VSTM4: variants seen among roughly 807,000 people sequenced by gnomAD.
VSTM4 encodes the protein V-set and transmembrane domain-containing protein 4.
In VSTM4, 20 loss-of-function variants were observed where a neutral mutation model predicts 36.4. That is an observed-to-expected ratio of 0.55 (90% CI 0.39 to 0.80). The LOEUF (loss-of-function observed/expected upper bound fraction) is 0.80. VSTM4 is among the 30% of genes least tolerant of loss of function. The pLI is 0.00. For synonymous variants in VSTM4, 182 were observed against 173.9 expected, an observed-to-expected ratio of 1.05 and a Z score of -0.37; for missense variants, 392 against 404.5, an observed-to-expected ratio of 0.97 and a Z score of 0.26.
intron 2 of VSTM4, among the ~76,000 whole-genome samples, chr10:49,100,334 T>C (rs1353728478): frequency 6.6e-6 from 1 of 152,200 alleles, no homozygotes; most frequent in Non-Finnish European, 1.5e-5. Context: ...TACTAATTCA[T>C]AGATACTATT....
intron 2 of VSTM4, chr10:49,102,807 C>T: frequency 2.1e-6 from 2 of 930,896 alleles, no homozygotes; most frequent in Non-Finnish European, 2.6e-6. Context: ...CAACTGTGTA[C>T]CAGGCACTGT....
At chr10:49,076,108 C>A (rs1045539084) in intron 4 of VSTM4, among the ~76,000 whole-genome samples, 2 of 152,178 alleles carry the variant, frequency 1.3e-5, no homozygotes, top group Non-Finnish European at 2.9e-5. Flanking sequence ...CCCTCATTGT[C>A]CCTTAGGCTT....
chr10:49,100,610 A>G (rs1844649656), intron 2 of VSTM4, among the ~76,000 whole-genome samples: 1 of 152,164 alleles, frequency 6.6e-6, no homozygotes, highest in Non-Finnish European at 1.5e-5. Context: ...TACATGAAGG[A>G]ATACAACAAG....
intron 7 of VSTM4, among the ~76,000 whole-genome samples, chr10:49,022,273 T>C (rs1843193498): frequency 6.6e-6 from 1 of 152,220 alleles, no homozygotes. Flanking sequence ...GTTTTGGCTT[T>C]GGTTTTGTTG....
intron 1 of VSTM4, among the ~76,000 whole-genome samples, chr10:49,110,178 CA>C (rs1295575748): frequency 6.6e-6 from 1 of 152,242 alleles, no homozygotes; most frequent in East Asian, 1.9e-4. Flanking sequence ...GAAATTGAAA[CA>C]AGATGGGTGG....
rs559805327 is a variant in VSTM4 at position 49,077,161 on chromosome 10, G to A, written c.634+58C>T. The A allele has an allele frequency of 1.1e-4, 174 of 1,543,900 alleles. 3 individuals are homozygous for A. The South Asian group carries it at 1.8e-3, about 16-fold the overall frequency. The stretch of plus-strand genomic sequence containing the variant: ...GGTGGTACTTTGTCTAGCATCTTCC[G>A]CCCGTCTGTGGTCGGGGTGTGCTCC... On this transcript the variant is annotated intron_variant, in intron 4 of 7. Transcript: ENST00000332853.
chr10:49,021,301 C>T (rs993832609), intron 7 of VSTM4, among the ~76,000 whole-genome samples: 1 of 151,546 alleles, frequency 6.6e-6, no homozygotes, highest in African/African-American at 2.4e-5. Context: ...AAAAGTACTA[C>T]AAAATAGGTG....
chr10:49,019,625 T>C lies in VSTM4; in HGVS notation c.*25A>G, dbSNP rs764323401. 15 of 1,586,062 alleles carry C rather than the reference T, an allele frequency of 9.5e-6. No individual in the cohort carries two copies. In the South Asian group the frequency reaches 1.0e-4, roughly 11 times the overall value. ...AAATCACTGGGTGGCAGGTATTAAA[T>C]AGAACCTTGGAGGTGGACGCTGTAC... On this transcript the variant is annotated 3_prime_UTR_variant, in exon 8 of 8. Transcript: ENST00000332853.
chr10:49,050,061 C>T (rs1843674005), intron 5 of VSTM4, among the ~76,000 whole-genome samples: 1 of 49,388 alleles, frequency 2.0e-5, no homozygotes, highest in Admixed American at 1.7e-4. Context: ...CTTCCATCAG[C>T]AGGGACTAGT....
chr10:49,030,243 C>A (rs1476376228), intron 7 of VSTM4, among the ~76,000 whole-genome samples: 10 of 152,200 alleles, frequency 6.6e-5, no homozygotes, highest in African/African-American at 2.4e-4. Flanking sequence ...TCCACTGGGA[C>A]CTCTGGCTCT....
intron 2 of VSTM4, 46 bp from the exon 3 acceptor site, chr10:49,086,069 C>T (rs775159856): frequency 8.5e-7 from 1 of 1,177,130 alleles, no homozygotes; most frequent in Non-Finnish European, 1.2e-6. Flanking sequence ...AATAATGCCA[C>T]ATGGTACACA....
rs149611409 is a variant in VSTM4 at position 49,082,921 on chromosome 10, T to A, written c.526+3034A>T. ...TGCCCATGCAGAGACAGGCCAAGACTGGGGTGCATAATGTCAGCATGCCAG... is the reference window on the plus strand; with the variant it reads ...TGCCCATGCAGAGACAGGCCAAGACAGGGGTGCATAATGTCAGCATGCCAG... On this transcript the variant is annotated intron_variant, in intron 3 of 7. Transcript: ENST00000332853. 4.8e-3 allele frequency among the ~76,000 whole-genome samples: 735 copies of A among 152,282 alleles called. 4 individuals are homozygous for A. Among genetic ancestry groups the A allele is most frequent in the Non-Finnish European group, 8.3e-3 (563 of 68,036 alleles).
At position 49,021,500 on chromosome 10, in the gene VSTM4, A is replaced by G. The variant is rs150450317; in HGVS notation, c.838-1725T>C. On this transcript the variant is annotated intron_variant, in intron 7 of 7. Coordinates refer to ENST00000332853, the MANE Select transcript of VSTM4 (RefSeq NM_001031746.5). ...ATATCTCATATTAAAGGGATTTGCA[A>G]TTCAACAAAGATAATAATCAAGTTT... Among the ~76,000 whole-genome samples, 36 of 152,350 alleles carry G rather than the reference A, an allele frequency of 2.4e-4. 1 individual carries two copies. In the East Asian group the frequency reaches 6.5e-3, roughly 28 times the overall value.
Position 49,047,929 on chromosome 10 carries a change from T to C in VSTM4, c.775+549A>G, listed in dbSNP as rs1169366242. On this transcript the variant is annotated intron_variant, in intron 6 of 7. Coordinates refer to ENST00000332853, the MANE Select transcript of VSTM4 (RefSeq NM_001031746.5). ...TTTTAGGAACTATCTATAGTCAGTC[T>C]TGGTTCTCCTAATACTCTCGCAGTT... Among the ~76,000 whole-genome samples the C allele has an allele frequency of 2.0e-5, 3 of 152,234 alleles. No individual in the cohort carries two copies. The East Asian group carries it at 5.8e-4, about 29-fold the overall frequency.
chr10:49,076,370 TG>T (rs1564584640), intron 4 of VSTM4, among the ~76,000 whole-genome samples: 1 of 152,168 alleles, frequency 6.6e-6, no homozygotes, highest in Non-Finnish European at 1.5e-5. Flanking sequence ...GCCTCCTCCA[TG>T]TCGCAGATGA....
intron 1 of VSTM4, 34 bp downstream of exon 1, chr10:49,115,397 C>T (rs1233191860): frequency 3.0e-6 from 3 of 1,013,002 alleles, no homozygotes; most frequent in African/African-American, 3.5e-5. Context: ...CGGCCCCCAC[C>T]CTTCCCGCTC....
chr10:49,107,738 G>C lies in VSTM4; in HGVS notation c.313C>G (p.Gln105Glu), dbSNP rs1844811889. The C allele has an allele frequency of 6.2e-7, 1 of 1,614,178 alleles. No homozygotes were observed. Among genetic ancestry groups the C allele is most frequent in the Non-Finnish European group, 8.5e-7 (1 of 1,180,050 alleles). Reference sequence around the variant, plus strand: ...GAGAGCCTGTAGAGCGCCCCCCGCTGCTCCTCCAGCAGGCGCAGCCTCCGC... The same window carrying C: ...GAGAGCCTGTAGAGCGCCCCCCGCTCCTCCTCCAGCAGGCGCAGCCTCCGC... ...KRRRLRLLEEQRGALYRLSVL... is the reference protein window; with the variant it reads ...KRRRLRLLEEERGALYRLSVL... The change falls in exon 2 of 8, where the codon CAG becomes GAG. Residue 105 changes from glutamine to glutamate, a missense_variant. Physicochemically the swap from Gln to Glu is conservative, Grantham distance 29 (BLOSUM62 2). Coordinates refer to ENST00000332853, the MANE Select transcript of VSTM4 (RefSeq NM_001031746.5).
chr10:49,075,980 C>T (rs746828739), intron 4 of VSTM4, among the ~76,000 whole-genome samples: 2 of 152,184 alleles, frequency 1.3e-5, no homozygotes, highest in Admixed American at 6.5e-5. Flanking sequence ...GATGGTGACA[C>T]CTCTCCCAAA....
intron 3 of VSTM4, among the ~76,000 whole-genome samples, chr10:49,084,054 C>T (rs532094026): frequency 6.6e-6 from 1 of 152,300 alleles, no homozygotes; most frequent in East Asian, 1.9e-4. Context: ...ATCACAGTGC[C>T]TGGTCACAGG....
Sources: gnomAD v4.1 joint callset for allele counts (sites outside exome capture counted in the v4.1 genomes callset) on GRCh38, gnomAD v4.1.1 for gene constraint, MANE v1.5 for transcripts, NCBI Gene and HGNC (gene_info 2026-07-23, HGNC 2026-07-21) for gene names.